UBE2E2: variants seen among roughly 807,000 people sequenced by gnomAD.
The protein encoded by UBE2E2 is ubiquitin-conjugating enzyme E2 E2.
A neutral mutation model predicts 24.7 loss-of-function variants in UBE2E2; 6 were observed. The ratio of observed to expected loss-of-function variants is 0.24; its 90% CI spans 0.13 to 0.48. The LOEUF is 0.48. UBE2E2 is among the 20% of genes least tolerant of loss of function. The pLI is 0.99. For synonymous variants in UBE2E2, 104 were observed against 83.6 expected (o/e 1.24, Z -1.33); for missense variants, 169 against 245.0 (o/e 0.69, Z 2.07).
At chr3:23,396,789 A>G (rs957198800) in intron 3 of UBE2E2, among the ~76,000 whole-genome samples, 9 of 152,192 alleles carry the variant, frequency 5.9e-5, no homozygotes, top group African/African-American at 7.2e-5. Context: ...TGAGCACTCA[A>G]TAAATGTTGT....
chr3:23,441,802 AT>A (rs993737205), intron 3 of UBE2E2, among the ~76,000 whole-genome samples: 2 of 151,650 alleles, frequency 1.3e-5, no homozygotes, highest in African/African-American at 4.8e-5. Context: ...TGAGCTAACT[AT>A]TTTAAATATA....
At chr3:23,476,365 C>G (rs1227535700) in intron 3 of UBE2E2, among the ~76,000 whole-genome samples, 1 of 152,038 alleles carries the variant, frequency 6.6e-6, no homozygotes, top group Non-Finnish European at 1.5e-5. Context: ...ATGAAATTGG[C>G]ACTAAAGCAC....
chr3:23,537,534 T>C lies in UBE2E2; in HGVS notation c.508+4833T>C, dbSNP rs2125489775. On this transcript the variant is annotated intron_variant, in intron 5 of 5. Transcript: ENST00000396703. ...AGGGTGAGCACAGCTGCAGTTTCAT[T>C]GGTAAAAGCTTTATTCTTCTCAAAT... Among the ~76,000 whole-genome samples, 2 of 152,258 alleles carry C rather than the reference T, an allele frequency of 1.3e-5. 1 individual carries two copies. The highest frequency in any genetic ancestry group is 4.1e-4 in the South Asian group (2 of 4,830).
rs530171698 is a variant in UBE2E2 at position 23,583,883 on chromosome 3, C to G, written c.509-5851C>G. 2.2e-4 allele frequency among the ~76,000 whole-genome samples: 33 copies of G among 152,226 alleles called. No homozygotes were observed. The highest frequency in any genetic ancestry group is 3.4e-3 in the Middle Eastern group (1 of 294). Reference sequence around the variant, plus strand: ...CAAACAGGGATAGTTTGACTTCCTCCCTTCCTATTCGAATGCATTTTATTT... The same window carrying G: ...CAAACAGGGATAGTTTGACTTCCTCGCTTCCTATTCGAATGCATTTTATTT... On this transcript the variant is annotated intron_variant, in intron 5 of 5. Coordinates refer to ENST00000396703, the MANE Select transcript of UBE2E2 (RefSeq NM_152653.4). This position sits in a 1 kb window ranked among gnomAD's most constrained non-coding sequence, Gnocchi z 4.1.
chr3:23,243,982 A>T (rs1697321682), intron 3 of UBE2E2, among the ~76,000 whole-genome samples: 3 of 152,104 alleles, frequency 2.0e-5, no homozygotes, highest in Admixed American at 2.0e-4. Flanking sequence ...TGGCACAGCC[A>T]TGATGATTTT....
chr3:23,257,512 G>GCCCCCCCCCC (rs5847227), intron 3 of UBE2E2, among the ~76,000 whole-genome samples: 5 of 31,144 alleles, frequency 1.6e-4, no homozygotes, highest in Non-Finnish European at 3.0e-4. Flanking sequence ...TGTTTCCCGT[G>GCCCCCCCCCC]CCCCCCCCCC....
intron 3 of UBE2E2, among the ~76,000 whole-genome samples, chr3:23,476,773 A>C (rs1461934058): frequency 6.6e-6 from 1 of 152,170 alleles, no homozygotes; most frequent in African/African-American, 2.4e-5. Context: ...TGTTTAATAA[A>C]CTATTCTTTG....
chr3:23,513,570 T>A (rs1694656779), intron 4 of UBE2E2, among the ~76,000 whole-genome samples: 1 of 152,180 alleles, frequency 6.6e-6, no homozygotes, highest in Non-Finnish European at 1.5e-5. Flanking sequence ...TGGGATAAAT[T>A]CCTAGAAGTG....
At chr3:23,558,467 G>A (rs1695842647) in intron 5 of UBE2E2, among the ~76,000 whole-genome samples, 1 of 152,026 alleles carries the variant, frequency 6.6e-6, no homozygotes, top group Non-Finnish European at 1.5e-5. Flanking sequence ...AAGCAAATCT[G>A]GTAAATGAAT....
At chr3:23,513,855 A>T (rs1332709577) in intron 4 of UBE2E2, among the ~76,000 whole-genome samples, 1 of 152,206 alleles carries the variant, frequency 6.6e-6, no homozygotes, top group Non-Finnish European at 1.5e-5. Context: ...GTAAGTGTAC[A>T]CTTTTTCTTA....
At chr3:23,323,321 G>A (rs1398861864) in intron 3 of UBE2E2, among the ~76,000 whole-genome samples, 2 of 152,006 alleles carry the variant, frequency 1.3e-5, no homozygotes. Context: ...TTATGTTACT[G>A]GTTAGTCATG....
chr3:23,480,938 T>C (rs1699246650), intron 3 of UBE2E2, among the ~76,000 whole-genome samples: 1 of 152,242 alleles, frequency 6.6e-6, no homozygotes, highest in Non-Finnish European at 1.5e-5. Context: ...GGGGACATCC[T>C]GCATTTTGTT....
At chr3:23,571,716 A>G (rs1228201885) in intron 5 of UBE2E2, among the ~76,000 whole-genome samples, 1 of 152,136 alleles carries the variant, frequency 6.6e-6, no homozygotes, top group Non-Finnish European at 1.5e-5. Context: ...AGCAACTCAT[A>G]TCTGATTTAA....
chr3:23,465,866 T>A (rs1028850286), intron 3 of UBE2E2, among the ~76,000 whole-genome samples: 3 of 152,220 alleles, frequency 2.0e-5, no homozygotes, highest in Non-Finnish European at 4.4e-5. Context: ...AGTTATATAG[T>A]ATGCCTCACA....
At chr3:23,409,584 A>G (rs1697451583) in intron 3 of UBE2E2, among the ~76,000 whole-genome samples, 1 of 152,170 alleles carries the variant, frequency 6.6e-6, no homozygotes, top group Admixed American at 6.6e-5. Flanking sequence ...TGTATTTTGC[A>G]TTCTTTGTAC....
intron 1 of UBE2E2, among the ~76,000 whole-genome samples, chr3:23,206,588 T>C (rs1007537740): frequency 7.2e-5 from 11 of 151,994 alleles, no homozygotes; most frequent in Non-Finnish European, 1.6e-4. Context: ...GTTGAAGGGG[T>C]GCTGGTGGTG....
chr3:23,514,136 A>G (rs11914363), intron 4 of UBE2E2, among the ~76,000 whole-genome samples: 6,459 of 152,266 alleles, frequency 0.042, 460 homozygotes, highest in African/African-American at 0.15. Context: ...ATTTGCCAGT[A>G]CATTTGACTG....
chr3:23,508,798 G>T (rs879844155), intron 4 of UBE2E2, among the ~76,000 whole-genome samples: 3 of 152,200 alleles, frequency 2.0e-5, no homozygotes, highest in Non-Finnish European at 4.4e-5. Flanking sequence ...GGGTAGATAG[G>T]CCTAAATTCC....
intron 5 of UBE2E2, among the ~76,000 whole-genome samples, chr3:23,545,957 G>A (rs1461308283): frequency 2.0e-5 from 3 of 152,116 alleles, no homozygotes; most frequent in Non-Finnish European, 4.4e-5. Flanking sequence ...TAAGCTATGG[G>A]CACACAAAGG....
Sources: allele counts gnomAD v4.1 joint callset (sites outside exome capture counted in the v4.1 genomes callset), GRCh38; gene constraint gnomAD v4.1.1; non-coding constraint Gnocchi (gnomAD v3.1); transcripts MANE v1.5; gene names NCBI Gene and HGNC (gene_info 2026-07-23, HGNC 2026-07-21).